Variants in EHF observed in about 807,000 individuals in gnomAD.
EHF encodes the protein ETS homologous factor, also known as ESE3 transcription factor.
Under a neutral mutation model 45.1 loss-of-function variants are expected in EHF, and 14 were observed. That is an observed-to-expected ratio of 0.31 (90% CI 0.21 to 0.49). EHF has a LOEUF of 0.49. Among genes scored for constraint, EHF ranks in the 20% least tolerant of loss-of-function variants. The pLI, the probability that EHF is intolerant of heterozygous loss-of-function variation, is 0.99. For missense variants in EHF, 282 were observed against 371.4 expected, an observed-to-expected ratio of 0.76 and a Z score of 1.98; for synonymous variants, 136 against 131.8, an observed-to-expected ratio of 1.03 and a Z score of -0.22.
At chr11:34,632,413 C>A in intron 1 of EHF, 1 of 1,413,604 alleles carries the variant, frequency 7.1e-7, no homozygotes, top group Non-Finnish European at 9.3e-7. Context: ...CCTGACCCTC[C>A]TACACATAAA....
intron 1 of EHF, among the ~76,000 whole-genome samples, chr11:34,636,644 A>C (rs1181939510): frequency 6.6e-6 from 1 of 152,214 alleles, no homozygotes; most frequent in Non-Finnish European, 1.5e-5. Context: ...GAAATTCTCC[A>C]AGGTCAACAT....
At chr11:34,634,487 C>T (rs1363889562) in intron 1 of EHF, among the ~76,000 whole-genome samples, 1 of 152,166 alleles carries the variant, frequency 6.6e-6, no homozygotes, top group Non-Finnish European at 1.5e-5. Context: ...CTGATGGTGG[C>T]CTTGACTCTC....
rs202013879 is a variant in EHF, at chr11:34,651,528, T to C, written c.407-14T>C. 24 of 1,610,342 alleles carry C rather than the reference T, an allele frequency of 1.5e-5. No individual in the cohort carries two copies. The East Asian group carries it at 4.7e-4, about 31-fold the overall frequency. ...AAGAGATCGCTGACTATTCTCCTTC[T>C]CTATTTTTTGTAGAGCCTTCCATCA... On this transcript the variant is annotated splice_polypyrimidine_tract_variant and intron_variant, in intron 4 of 8. Transcript: ENST00000257831.
Position 34,660,853 on chromosome 11 carries a change from A to C in EHF, c.*1922A>C, listed in dbSNP as rs1288941064. On this transcript the variant is annotated 3_prime_UTR_variant, in exon 9 of 9. Transcript: ENST00000257831. ...ATTCAAAGGTTGCAAAGTGTTTGTA[A>C]TATATTCATGAGGCTGGAAGTAAGA... 3.9e-5 allele frequency: 6 copies of C among 152,178 alleles called. No homozygotes were observed. The highest frequency in any genetic ancestry group is 8.8e-5 in the Non-Finnish European group (6 of 68,024). 9.4% of individuals were successfully genotyped at this position (152,178 alleles called of 1,614,324 possible).
At chr11:34,632,859 G>A (rs1853031111) in intron 1 of EHF, among the ~76,000 whole-genome samples, 1 of 152,172 alleles carries the variant, frequency 6.6e-6, no homozygotes, top group African/African-American at 2.4e-5. Flanking sequence ...CTAGCAAAGT[G>A]CCCAGCATCT....
chr11:34,626,257 G>A (rs1366109027), intron 1 of EHF, among the ~76,000 whole-genome samples: 1 of 152,164 alleles, frequency 6.6e-6, no homozygotes, highest in Non-Finnish European at 1.5e-5. Flanking sequence ...TCAGTTGCCT[G>A]TCCAGCCCTT....
intron 1 of EHF, among the ~76,000 whole-genome samples, chr11:34,630,709 A>T (rs1261777720): frequency 6.6e-6 from 1 of 151,724 alleles, no homozygotes; most frequent in African/African-American, 2.4e-5. Context: ...GGGTGTTGTT[A>T]AATCTTTTAT....
At chr11:34,642,932 C>T (rs375755413) in intron 2 of EHF, among the ~76,000 whole-genome samples, 11 of 152,180 alleles carry the variant, frequency 7.2e-5, no homozygotes, top group African/African-American at 2.7e-4. Flanking sequence ...CTATTGCCTC[C>T]TCCCAAAATT....
Position 34,659,107 on chromosome 11 carries a change from T to G in EHF, c.*176T>G. On this transcript the variant is annotated 3_prime_UTR_variant, in exon 9 of 9. Transcript: ENST00000257831. ...ACTACGGTCGATTAAAAAAATTATT[T>G]TGTTACTTCGAAGTATGTCCTATAT... 1 of 555,150 alleles carries G rather than the reference T, an allele frequency of 1.8e-6. No individual in the cohort carries two copies. Among genetic ancestry groups the G allele is most frequent in the Middle Eastern group, 4.0e-4 (1 of 2,476 alleles). 34.4% of individuals were successfully genotyped at this position (555,150 alleles called of 1,614,324 possible).
At chr11:34,643,068 A>ATGTGTG (rs780809590) in intron 2 of EHF, among the ~76,000 whole-genome samples, 3,898 of 144,912 alleles carry the variant, frequency 0.027, 69 homozygotes, top group African/African-American at 0.04. Flanking sequence ...GAGAAAGGGT[A>ATGTGTG]TGTGTGTGTG....
intron 1 of EHF, among the ~76,000 whole-genome samples, chr11:34,635,795 C>T (rs926579745): frequency 6.6e-6 from 1 of 151,260 alleles, no homozygotes; most frequent in Non-Finnish European, 1.5e-5. Context: ...TATGCCTTAC[C>T]ACTGTTCTTG....
rs570919163 is a variant in EHF, at chr11:34,660,387, A to G, written c.*1456A>G. On this transcript the variant is annotated 3_prime_UTR_variant, in exon 9 of 9. Coordinates refer to ENST00000257831, the MANE Select transcript of EHF (RefSeq NM_012153.6). ...ATTATCTGTTTACTGTCTCATCTGA[A>G]CTGATCCCAGGTGAACGGTTTATTG... is the stretch of plus-strand genomic sequence containing the variant. The G allele has an allele frequency of 1.3e-5, 2 of 152,270 alleles. No homozygotes were observed. Among genetic ancestry groups the G allele is most frequent in the African/African-American group, 4.8e-5 (2 of 41,556 alleles). The allele number at this position is 152,270 out of a possible 1,614,324, so 9.4% of individuals were successfully genotyped here.
chr11:34,648,967 A>G, intron 3 of EHF, 52 bp from the exon 4 acceptor site: 1 of 1,550,546 alleles, frequency 6.4e-7, no homozygotes, highest in South Asian at 1.1e-5. Flanking sequence ...TTAAGCATCC[A>G]GTTCTGGCTC....
At chr11:34,622,502 G>A (rs1852052315) in intron 1 of EHF, 1 of 705,722 alleles carries the variant, frequency 1.4e-6, no homozygotes, top group Non-Finnish European at 2.0e-6. Flanking sequence ...TGGGGTCAGG[G>A]GAAAAATTTA....
Position 34,622,430 on chromosome 11 carries a change from G to T in EHF, c.-4+1202G>T, listed in dbSNP as rs563003683. Reference sequence around the variant, plus strand: ...GCAGCCATGGAGGTAAAGATGTGTTGATAGTCTTTCAATGTGTAAAAGGGC... The same window carrying T: ...GCAGCCATGGAGGTAAAGATGTGTTTATAGTCTTTCAATGTGTAAAAGGGC... On this transcript the variant is annotated intron_variant, in intron 1 of 8. Coordinates refer to ENST00000257831, the MANE Select transcript of EHF (RefSeq NM_012153.6). The T allele has an allele frequency of 4.9e-5, 63 of 1,281,230 alleles. No homozygotes were observed. In the South Asian group the frequency reaches 7.3e-4, roughly 15 times the overall value. The allele number at this position is 1,281,230 out of a possible 1,614,324, so 79.4% of individuals were successfully genotyped here. A position where few individuals can be genotyped will look rare whatever the true frequency, so the allele number is the denominator to read the frequency against.
chr11:34,651,861 G>A, intron 6 of EHF, 56 bp downstream of exon 6: 5 of 1,504,796 alleles, frequency 3.3e-6, no homozygotes, highest in Non-Finnish European at 4.6e-6. Context: ...GAGAATCAGT[G>A]GGAATTACCA....
chr11:34,627,094 A>G (rs1852438168), intron 1 of EHF, among the ~76,000 whole-genome samples: 1 of 136,428 alleles, frequency 7.3e-6, no homozygotes, highest in Non-Finnish European at 1.6e-5. Flanking sequence ...AATGGATATT[A>G]AATTCTGGGA....
chr11:34,658,468 T>C, intron 7 of EHF, 65 bp from the exon 8 acceptor site: 1 of 1,405,928 alleles, frequency 7.1e-7, no homozygotes, highest in South Asian at 1.4e-5. Context: ...CCTAACTCAA[T>C]GCTCTCTGCC....
In EHF at chr11:34,622,355, A is replaced by G. The variant is rs1045125583; in HGVS notation, c.-4+1127A>G. Reference sequence around the variant, plus strand: ...CTTGGTAACAGGGAGAAAGTGAGTGAATGGATTCCAAGAACTTACTGATGG... The same window carrying G: ...CTTGGTAACAGGGAGAAAGTGAGTGGATGGATTCCAAGAACTTACTGATGG... On this transcript the variant is annotated intron_variant, in intron 1 of 8. Transcript: ENST00000257831. 2.3e-5 allele frequency: 28 copies of G among 1,241,334 alleles called. No homozygotes were observed. The Admixed American group carries it at 4.9e-4, about 22-fold the overall frequency. 76.9% of individuals were successfully genotyped at this position (1,241,334 alleles called of 1,614,324 possible).
Sources: allele counts gnomAD v4.1 joint callset (sites outside exome capture counted in the v4.1 genomes callset), GRCh38; gene constraint gnomAD v4.1.1; transcripts MANE v1.5; gene names NCBI Gene and HGNC (gene_info 2026-07-23, HGNC 2026-07-21).